Variants in GABBR2 observed in about 807,000 individuals in gnomAD.
GABBR2 encodes G-protein coupled receptor 51.
A neutral mutation model predicts 105.6 loss-of-function variants in GABBR2; 23 were observed. That is an observed-to-expected ratio of 0.22 (90% CI 0.16 to 0.31). The LOEUF is 0.31. GABBR2 is among the 10% of genes least tolerant of loss of function. The pLI is 1.00. For missense variants in GABBR2, 734 were observed against 1,245.5 expected (o/e 0.59, Z 6.18); for synonymous variants, 478 against 499.7 (o/e 0.96, Z 0.58).
intron 4 of GABBR2, among the ~76,000 whole-genome samples, chr9:98,488,137 C>T (rs1827098516): frequency 6.6e-6 from 1 of 152,192 alleles, no homozygotes; most frequent in African/African-American, 2.4e-5. Flanking sequence ...CTTGGCCGCA[C>T]TGACACCTTG....
rs533935520 is a variant in GABBR2, at chr9:98,654,081, C to T, written c.321+54336G>A. Reference sequence around the variant, plus strand: ...TTCAGTAGTCTTTCTGTCTTACAGCCATAACATCGCTCTCACCTGCTCACA... The same window carrying T: ...TTCAGTAGTCTTTCTGTCTTACAGCTATAACATCGCTCTCACCTGCTCACA... On this transcript the variant is annotated intron_variant, in intron 1 of 18. Transcript: ENST00000259455. Among the ~76,000 whole-genome samples, 5 of 152,304 alleles carry T rather than the reference C, an allele frequency of 3.3e-5. No individual in the cohort carries two copies. In the South Asian group the frequency reaches 1.0e-3, roughly 32 times the overall value.
intron 1 of GABBR2, among the ~76,000 whole-genome samples, chr9:98,588,764 C>T (rs1230302515): frequency 2.6e-5 from 4 of 152,270 alleles, no homozygotes; most frequent in African/African-American, 9.6e-5. Flanking sequence ...TTAGGTGTGA[C>T]CACCGAGTTT....
At chr9:98,407,444 C>T (rs1313446652) in intron 7 of GABBR2, among the ~76,000 whole-genome samples, 12 of 152,106 alleles carry the variant, frequency 7.9e-5, no homozygotes, top group South Asian at 2.1e-4. Context: ...TAATGCCCAC[C>T]GAATTCTATA....
At chr9:98,553,200 T>C (rs1231504657) in intron 2 of GABBR2, among the ~76,000 whole-genome samples, 3 of 139,322 alleles carry the variant, frequency 2.2e-5, no homozygotes, top group Non-Finnish European at 3.2e-5. Context: ...TATTGGGAAC[T>C]TGTGACAATT....
chr9:98,293,130 G>C (rs915020414), intron 18 of GABBR2, among the ~76,000 whole-genome samples: 5 of 152,168 alleles, frequency 3.3e-5, no homozygotes, highest in African/African-American at 9.7e-5. Flanking sequence ...TGTATTTCCA[G>C]CTTCTGCTTC....
intron 1 of GABBR2, chr9:98,608,080 A>G (rs1418606648): frequency 3.8e-6 from 5 of 1,314,920 alleles, no homozygotes; most frequent in Non-Finnish European, 5.4e-6. Context: ...ATTTTAGAAC[A>G]ACGAACTCTT....
At chr9:98,291,811 A>T (rs2090050384) in intron 18 of GABBR2, among the ~76,000 whole-genome samples, 1 of 152,150 alleles carries the variant, frequency 6.6e-6, no homozygotes, top group Admixed American at 6.5e-5. Flanking sequence ...CTCCTTCAAG[A>T]TCCAGTTTAA....
At chr9:98,640,586 G>A (rs777385037) in intron 1 of GABBR2, among the ~76,000 whole-genome samples, 4 of 152,208 alleles carry the variant, frequency 2.6e-5, no homozygotes, top group Admixed American at 6.5e-5. Flanking sequence ...GAGTGTACGA[G>A]ATGCCCTCTG....
intron 1 of GABBR2, among the ~76,000 whole-genome samples, chr9:98,613,317 G>A (rs1397543339): frequency 6.6e-6 from 1 of 152,176 alleles, no homozygotes; most frequent in Non-Finnish European, 1.5e-5. Flanking sequence ...GTACACACCT[G>A]TAGTCCCAGC....
chr9:98,566,147 G>A (rs1163386821), intron 2 of GABBR2, among the ~76,000 whole-genome samples: 1 of 152,174 alleles, frequency 6.6e-6, no homozygotes, highest in Non-Finnish European at 1.5e-5. Flanking sequence ...CGGCCAGCCT[G>A]GGACTTTCCT....
chr9:98,422,616 CTTTTTT>C (rs201361532), intron 7 of GABBR2, among the ~76,000 whole-genome samples: 1 of 150,622 alleles, frequency 6.6e-6, no homozygotes, highest in Non-Finnish European at 1.5e-5. Flanking sequence ...AAGCACACTG[CTTTTTT>C]TTTAACTATT....
chr9:98,661,310 T>A (rs1231443598), intron 1 of GABBR2, among the ~76,000 whole-genome samples: 1 of 152,204 alleles, frequency 6.6e-6, no homozygotes, highest in Non-Finnish European at 1.5e-5. Flanking sequence ...GGCGAGGCAT[T>A]ATTAAGCCTA....
Position 98,674,112 on chromosome 9 carries a change from G to GT in GABBR2, c.321+34304dup, listed in dbSNP as rs567495038. 6.9e-3 allele frequency among the ~76,000 whole-genome samples: 1,056 copies of GT among 152,096 alleles called. 7 individuals are homozygous for GT. Among genetic ancestry groups the GT allele is most frequent in the Non-Finnish European group, 9.9e-3 (671 of 67,956 alleles). ...TCATCATCTAGAGAGGGAACAGGGGGTTTTTATAAACTTCCCTTGGCAGTT... is the reference window on the plus strand; with the variant it reads ...TCATCATCTAGAGAGGGAACAGGGGGTTTTTTATAAACTTCCCTTGGCAGTT... On this transcript the variant is annotated intron_variant, in intron 1 of 18. Coordinates refer to ENST00000259455, the MANE Select transcript of GABBR2 (RefSeq NM_005458.8).
chr9:98,483,649 G>A (rs750548408), intron 4 of GABBR2, among the ~76,000 whole-genome samples: 2 of 151,636 alleles, frequency 1.3e-5, no homozygotes, highest in African/African-American at 2.4e-5. Context: ...TTCCCACTTC[G>A]CCCCCCACCC....
At chr9:98,370,163 C>A (rs780124136) in intron 12 of GABBR2, among the ~76,000 whole-genome samples, 16 of 152,118 alleles carry the variant, frequency 1.1e-4, no homozygotes, top group Non-Finnish European at 1.6e-4. Context: ...TTTCTGTGCC[C>A]CAGATGTGGG....
intron 3 of GABBR2, among the ~76,000 whole-genome samples, chr9:98,506,669 C>G (rs1450111882): frequency 6.6e-6 from 1 of 152,210 alleles, no homozygotes; most frequent in Admixed American, 6.5e-5. Flanking sequence ...CATATGGGGC[C>G]TGAGGGCAGC....
chr9:98,364,904 G>A (rs774344), intron 12 of GABBR2, among the ~76,000 whole-genome samples: 50,116 of 151,982 alleles, frequency 0.33, 9,472 homozygotes, highest in African/African-American at 0.52. Flanking sequence ...CCTGGCTGGG[G>A]CAGTGGATTT....
chr9:98,621,815 A>G (rs1335446670), intron 1 of GABBR2, among the ~76,000 whole-genome samples: 1 of 152,234 alleles, frequency 6.6e-6, no homozygotes, highest in Non-Finnish European at 1.5e-5. Flanking sequence ...TAATGTGCCT[A>G]CAGATATCCG....
intron 7 of GABBR2, among the ~76,000 whole-genome samples, chr9:98,429,084 T>G (rs1383120343): frequency 6.6e-6 from 1 of 152,008 alleles, no homozygotes; most frequent in African/African-American, 2.4e-5. Context: ...CAGTTCATTT[T>G]ATTTCATGAT....
Sources: gnomAD v4.1 joint callset for allele counts (sites outside exome capture counted in the v4.1 genomes callset) on GRCh38, gnomAD v4.1.1 for gene constraint, MANE v1.5 for transcripts, NCBI Gene and HGNC (gene_info 2026-07-23, HGNC 2026-07-21) for gene names.